Variants in RGS5 observed in about 807,000 individuals in gnomAD.
RGS5 encodes regulator of G-protein signalling 5.
In RGS5, 20 loss-of-function variants were observed where a neutral mutation model predicts 18.9. That is an observed-to-expected ratio of 1.06 (90% CI 0.74 to 1.54). The LOEUF is 1.54. Ranked by LOEUF, RGS5 falls within the 40% of genes most tolerant of loss-of-function variation. The probability of loss-of-function intolerance (pLI) is 0.00; values close to 1 mark genes in which losing one functional copy is unlikely to be tolerated. For missense variants in RGS5, 201 were observed against 211.8 expected (o/e 0.95, Z 0.32); for synonymous variants, 57 against 76.2 (o/e 0.75, Z 1.31).
At position 163,216,467 on chromosome 1, in the gene RGS5, A is replaced by G. The variant is rs529985876; in HGVS notation, c.69+1059T>C. Among the ~76,000 whole-genome samples, 7 of 152,308 alleles carry G rather than the reference A, an allele frequency of 4.6e-5. No individual in the cohort carries two copies. In the South Asian group the frequency reaches 1.4e-3, roughly 32 times the overall value. Reference sequence around the variant, plus strand: ...ACTGTCTTGTGGAGGAAATAAATCAATAAGATCCATAAATAAACACTTTTT... The same window carrying G: ...ACTGTCTTGTGGAGGAAATAAATCAGTAAGATCCATAAATAAACACTTTTT... On this transcript the variant is annotated intron_variant, in intron 1 of 5. Transcript: ENST00000367903.
At chr1:163,185,314 T>A (rs1282540799) in intron 1 of RGS5, among the ~76,000 whole-genome samples, 1 of 152,186 alleles carries the variant, frequency 6.6e-6, no homozygotes, top group Non-Finnish European at 1.5e-5. Context: ...GCTGCTTTTT[T>A]AAATCAAATT....
rs1351826519 is a variant in RGS5, at chr1:163,145,258, G to T, written c.*2084C>A. The T allele has an allele frequency of 6.6e-6, 1 of 152,018 alleles. No individual in the cohort carries two copies. The highest frequency in any genetic ancestry group is 1.9e-4 in the East Asian group (1 of 5,190). 9.4% of individuals were successfully genotyped at this position (152,018 alleles called of 1,614,324 possible). On this transcript the variant is annotated 3_prime_UTR_variant, in exon 5 of 5. Coordinates refer to ENST00000313961, the MANE Select transcript of RGS5 (RefSeq NM_003617.4). ...TTATCTGGGAATTTTTAAACATTTGGATATTGCAAATAATGTGAATAAAAT... is the reference window on the plus strand; with the variant it reads ...TTATCTGGGAATTTTTAAACATTTGTATATTGCAAATAATGTGAATAAAAT...
At chr1:163,281,846 T>G (rs1423658168) in intron 2 of RGS5, among the ~76,000 whole-genome samples, 4 of 152,098 alleles carry the variant, frequency 2.6e-5, no homozygotes, top group Admixed American at 2.6e-4. Flanking sequence ...TAAATCATGC[T>G]GGGAAAGCTG....
intron 1 of RGS5, among the ~76,000 whole-genome samples, chr1:163,172,291 C>T (rs1011146407): frequency 6.6e-6 from 1 of 152,158 alleles, no homozygotes; most frequent in Non-Finnish European, 1.5e-5. Flanking sequence ...ACGTGGCATC[C>T]TATCATATGA....
chr1:163,286,743 T>C (rs1649156022), intron 2 of RGS5, among the ~76,000 whole-genome samples: 1 of 152,192 alleles, frequency 6.6e-6, no homozygotes, highest in Admixed American at 6.5e-5. Context: ...TCAATACTCA[T>C]TGTCTTTAAC....
At chr1:163,273,520 T>C (rs771199010) in intron 2 of RGS5, among the ~76,000 whole-genome samples, 7 of 152,184 alleles carry the variant, frequency 4.6e-5, no homozygotes, top group African/African-American at 7.2e-5. Context: ...GGTTCTTTTA[T>C]ATGATTTTTA....
chr1:163,221,887 G>T (rs942644847), upstream of RGS5, among the ~76,000 whole-genome samples: 4 of 152,026 alleles, frequency 2.6e-5, no homozygotes, highest in African/African-American at 4.8e-5. Context: ...TTATGATGAG[G>T]CTAACCTCTA....
chr1:163,319,718 T>A (rs550782244), intron 1 of RGS5, among the ~76,000 whole-genome samples: 1 of 152,100 alleles, frequency 6.6e-6, no homozygotes, highest in South Asian at 2.1e-4. Context: ...TGAAGGGAGG[T>A]ATTAGCAGGA....
At chr1:163,301,752 C>T (rs530912258) in intron 2 of RGS5, among the ~76,000 whole-genome samples, 12 of 152,148 alleles carry the variant, frequency 7.9e-5, no homozygotes, top group East Asian at 1.9e-4. Context: ...ACACAGGATC[C>T]GTGAGACTCC....
chr1:163,284,275 T>C (rs1470796823), intron 2 of RGS5, among the ~76,000 whole-genome samples: 1 of 152,148 alleles, frequency 6.6e-6, no homozygotes, highest in South Asian at 2.1e-4. Flanking sequence ...CCATCTCTTG[T>C]TATCATTCAG....
chr1:163,258,322 T>C (rs1648332812), intron 2 of RGS5, among the ~76,000 whole-genome samples: 1 of 152,166 alleles, frequency 6.6e-6, no homozygotes, highest in South Asian at 2.1e-4. Context: ...CAGAATTTAC[T>C]TGTGGGTGGA....
At chr1:163,301,050 A>G (rs1571350010) in intron 2 of RGS5, among the ~76,000 whole-genome samples, 4 of 152,356 alleles carry the variant, frequency 2.6e-5, no homozygotes, top group Admixed American at 2.6e-4. Flanking sequence ...GTTGAGGAGA[A>G]AATATATGAA....
intron 2 of RGS5, among the ~76,000 whole-genome samples, chr1:163,284,305 T>A (rs1442869060): frequency 2.6e-5 from 4 of 152,192 alleles, no homozygotes; most frequent in Non-Finnish European, 5.9e-5. Flanking sequence ...GCCTCATTCA[T>A]AAAGTCCCTA....
chr1:163,147,321 T>C lies in RGS5; in HGVS notation c.*21A>G, dbSNP rs769906450. 2 of 1,568,120 alleles carry C rather than the reference T, an allele frequency of 1.3e-6. No homozygotes were observed. Among genetic ancestry groups the C allele is most frequent in the Non-Finnish European group, 1.7e-6 (2 of 1,160,262 alleles). On this transcript the variant is annotated 3_prime_UTR_variant, in exon 5 of 5. Coordinates refer to ENST00000313961, the MANE Select transcript of RGS5 (RefSeq NM_003617.4). ...ATGGAGGAAATAACTCACAGGATGA[T>C]TTCATAGCCTGGCTAAATTACTACT...
chr1:163,246,349 T>C (rs1029824154), intron 2 of RGS5, among the ~76,000 whole-genome samples: 2 of 151,564 alleles, frequency 1.3e-5, no homozygotes, highest in African/African-American at 4.8e-5. Context: ...GGCGGGCGGA[T>C]CACGAGGTCA....
chr1:163,273,961 T>C (rs1648785831), intron 2 of RGS5, among the ~76,000 whole-genome samples: 1 of 152,206 alleles, frequency 6.6e-6, no homozygotes, highest in African/African-American at 2.4e-5. Context: ...AAGGTCACCA[T>C]TGTGCCTGCA....
intron 1 of RGS5, among the ~76,000 whole-genome samples, chr1:163,193,297 T>A (rs532657283): frequency 6.6e-6 from 1 of 152,290 alleles, no homozygotes; most frequent in East Asian, 1.9e-4. Flanking sequence ...TCATTTACTA[T>A]TCATGAAACC....
chr1:163,282,111 G>C (rs1050894709), intron 2 of RGS5, among the ~76,000 whole-genome samples: 3 of 151,938 alleles, frequency 2.0e-5, no homozygotes, highest in Non-Finnish European at 1.5e-5. Flanking sequence ...AAAAAGCTCT[G>C]TACAGCAAAG....
chr1:163,293,760 A>G (rs1219193379), intron 2 of RGS5, among the ~76,000 whole-genome samples: 1 of 152,220 alleles, frequency 6.6e-6, no homozygotes, highest in Non-Finnish European at 1.5e-5. Context: ...TCAAAAACAA[A>G]TTAGCTACTT....
Sources: allele counts gnomAD v4.1 joint callset (sites outside exome capture counted in the v4.1 genomes callset), GRCh38; gene constraint gnomAD v4.1.1; transcripts MANE v1.5; gene names NCBI Gene and HGNC (gene_info 2026-07-23, HGNC 2026-07-21).